ELMO1: variants seen among roughly 807,000 people sequenced by gnomAD.
ELMO1 encodes the protein engulfment and cell motility protein 1.
Under a neutral mutation model 98.9 loss-of-function variants are expected in ELMO1, and 26 were observed. The observed-to-expected ratio is 0.26, with a 90% confidence interval of 0.19 to 0.36. The LOEUF is 0.36. Ranked by LOEUF, ELMO1 falls within the 10% of genes least tolerant of loss-of-function variation. The pLI is 1.00. For synonymous variants in ELMO1, 346 were observed against 346.0 expected (o/e 1.00, Z 0.00); for missense variants, 627 against 935.2 (o/e 0.67, Z 4.30).
intron 16 of ELMO1, among the ~76,000 whole-genome samples, chr7:36,933,950 C>G (rs1290818608): frequency 6.6e-6 from 1 of 152,146 alleles, no homozygotes; most frequent in Admixed American, 6.5e-5. Context: ...TCCGCTAAGC[C>G]TTTTTTGTTT....
At chr7:36,893,847 C>T (rs1034376594) in intron 17 of ELMO1, among the ~76,000 whole-genome samples, 1 of 152,070 alleles carries the variant, frequency 6.6e-6, no homozygotes, top group Non-Finnish European at 1.5e-5. Flanking sequence ...AATGAAATAG[C>T]AAGAAGGGTG....
intron 6 of ELMO1, among the ~76,000 whole-genome samples, chr7:37,249,678 AT>A (rs1795230709): frequency 6.6e-6 from 1 of 152,248 alleles, no homozygotes. Context: ...GGCTATTCTT[AT>A]TTTAAAACAG....
At chr7:37,338,237 A>C (rs900010537) in intron 2 of ELMO1, among the ~76,000 whole-genome samples, 1 of 151,664 alleles carries the variant, frequency 6.6e-6, no homozygotes, top group Non-Finnish European at 1.5e-5. Flanking sequence ...ACTGAGGCTC[A>C]AGGCTAACTG....
At chr7:37,284,290 G>GC (rs1797283996) in intron 4 of ELMO1, among the ~76,000 whole-genome samples, 1 of 152,142 alleles carries the variant, frequency 6.6e-6, no homozygotes, top group South Asian at 2.1e-4. Flanking sequence ...CATTTGCATT[G>GC]CCATAAACAA....
chr7:37,405,898 C>T (rs569687273), intron 1 of ELMO1, among the ~76,000 whole-genome samples: 7 of 152,292 alleles, frequency 4.6e-5, no homozygotes, highest in African/African-American at 1.7e-4. Context: ...GAGCTGACCA[C>T]GAGAGCATGG....
At chr7:37,067,831 T>C (rs931104427) in intron 15 of ELMO1, among the ~76,000 whole-genome samples, 23 of 152,134 alleles carry the variant, frequency 1.5e-4, no homozygotes, top group Admixed American at 1.4e-3. Context: ...CTAATAAATG[T>C]GTTCTTGAAG....
At chr7:37,007,390 A>T (rs1793215092) in intron 16 of ELMO1, among the ~76,000 whole-genome samples, 1 of 152,240 alleles carries the variant, frequency 6.6e-6, no homozygotes, top group South Asian at 2.1e-4. Flanking sequence ...AACAACGCTG[A>T]GTCCTCCCAG....
intron 17 of ELMO1, among the ~76,000 whole-genome samples, chr7:36,893,048 G>A (rs1243385202): frequency 6.6e-6 from 1 of 152,232 alleles, no homozygotes; most frequent in African/African-American, 2.4e-5. Context: ...TACTTGCCAT[G>A]AAGTTAATTA....
intron 14 of ELMO1, among the ~76,000 whole-genome samples, chr7:37,128,286 T>C (rs569266689): frequency 3.9e-5 from 6 of 152,304 alleles, no homozygotes; most frequent in African/African-American, 1.2e-4. Context: ...ATCTTGTCTC[T>C]GAAAATAATG....
intron 16 of ELMO1, among the ~76,000 whole-genome samples, chr7:36,944,331 AT>A (rs1037272556): frequency 1.3e-5 from 2 of 152,122 alleles, no homozygotes; most frequent in African/African-American, 2.4e-5. Flanking sequence ...AATTATCACC[AT>A]CTGTATTTTT....
chr7:37,079,725 T>G (rs1322126785), intron 15 of ELMO1, among the ~76,000 whole-genome samples: 2 of 152,120 alleles, frequency 1.3e-5, no homozygotes, highest in Non-Finnish European at 2.9e-5. Flanking sequence ...TCACCTTGAA[T>G]TGAACTTTCT....
intron 17 of ELMO1, among the ~76,000 whole-genome samples, chr7:36,892,131 C>T (rs1380115766): frequency 2.0e-5 from 3 of 152,116 alleles, no homozygotes; most frequent in Non-Finnish European, 2.9e-5. Context: ...TCTCAGAAAA[C>T]GACCATTTTA....
At chr7:37,338,708 A>G (rs1324407383) in intron 2 of ELMO1, among the ~76,000 whole-genome samples, 1 of 152,174 alleles carries the variant, frequency 6.6e-6, no homozygotes, top group Non-Finnish European at 1.5e-5. Flanking sequence ...CAGTGCATGC[A>G]GGAGCCTTGA....
At chr7:37,329,536 C>T (rs1290346326) in intron 2 of ELMO1, among the ~76,000 whole-genome samples, 6 of 152,108 alleles carry the variant, frequency 3.9e-5, no homozygotes, top group Non-Finnish European at 8.8e-5. Flanking sequence ...GGGGATTGCA[C>T]TGGGGTTGAG....
chr7:37,201,423 T>C (rs1792288167), intron 13 of ELMO1, among the ~76,000 whole-genome samples: 1 of 152,220 alleles, frequency 6.6e-6, no homozygotes, highest in Non-Finnish European at 1.5e-5. Context: ...CTTGCCCTAC[T>C]TAAAATACTT....
intron 5 of ELMO1, among the ~76,000 whole-genome samples, chr7:37,260,418 A>G (rs1333793674): frequency 1.1e-4 from 16 of 152,154 alleles, no homozygotes; most frequent in Admixed American, 1.0e-3. Flanking sequence ...AAGGTTGCAG[A>G]GTGGAGGCAG....
At chr7:37,241,994 T>G (rs1280328147) in intron 7 of ELMO1, among the ~76,000 whole-genome samples, 1 of 152,224 alleles carries the variant, frequency 6.6e-6, no homozygotes, top group Non-Finnish European at 1.5e-5. Flanking sequence ...TCTACTATCA[T>G]GTCTCTCCAG....
chr7:37,122,785 C>G (rs1277842556), intron 14 of ELMO1, among the ~76,000 whole-genome samples: 1 of 152,142 alleles, frequency 6.6e-6, no homozygotes, highest in Non-Finnish European at 1.5e-5. Context: ...CCAAGCGGAC[C>G]TAATAGACAT....
At chr7:37,096,493 C>T (rs546942061) in intron 15 of ELMO1, 126 bp downstream of exon 15, 2 of 718,784 alleles carry the variant, frequency 2.8e-6, no homozygotes, top group East Asian at 2.6e-5. Context: ...TAATAATCAA[C>T]CTATCCACAG....
Sources: gnomAD v4.1 joint callset for allele counts (sites outside exome capture counted in the v4.1 genomes callset) on GRCh38, gnomAD v4.1.1 for gene constraint, MANE v1.5 for transcripts, NCBI Gene and HGNC (gene_info 2026-07-23, HGNC 2026-07-21) for gene names.